The following SH3BGRL variants were observed in gnomAD, a reference collection of about 807,000 sequenced individuals.
SH3BGRL encodes the protein adapter SH3BGRL.
A neutral mutation model predicts 9.8 loss-of-function variants in SH3BGRL; 7 were observed. The observed-to-expected ratio is 0.72, with a 90% CI of 0.41 to 1.35. The LOEUF (loss-of-function observed/expected upper bound fraction) is 1.35. Ranked by LOEUF, SH3BGRL falls within the 40% of genes most tolerant of loss-of-function variation. The pLI, the probability that SH3BGRL is intolerant of heterozygous loss-of-function variation, is 0.01. For missense variants in SH3BGRL, 73 were observed against 84.4 expected (o/e 0.86, Z 0.53); for synonymous variants, 36 against 29.1 (o/e 1.24, Z -0.76).
At chrX:81,238,516 A>G (rs765559411) in intron 1 of SH3BGRL, among the ~76,000 whole-genome samples, 1 of 111,688 alleles carries the variant, frequency 9.0e-6, no homozygotes, top group East Asian at 2.8e-4. Flanking sequence ...TTTTGATTCT[A>G]TTATCGGCCT....
intron 1 of SH3BGRL, among the ~76,000 whole-genome samples, chrX:81,213,092 CTA>C (rs1412409354): frequency 2.7e-5 from 3 of 111,865 alleles, no homozygotes; most frequent in African/African-American, 9.8e-5. Context: ...TCAAAAGGAG[CTA>C]TTAGCACAAA....
intron 1 of SH3BGRL, among the ~76,000 whole-genome samples, chrX:81,217,263 C>T (rs2075584116): frequency 9.1e-6 from 1 of 110,309 alleles, no homozygotes; most frequent in African/African-American, 3.3e-5. Context: ...GTTTCAATTT[C>T]ATTTAGTTCT....
chrX:81,248,204 T>C (rs1240275412), intron 1 of SH3BGRL, among the ~76,000 whole-genome samples: 1 of 111,520 alleles, frequency 9.0e-6, no homozygotes. Flanking sequence ...CTTTTTGTCT[T>C]TGTTAATCTA....
intron 3 of SH3BGRL, among the ~76,000 whole-genome samples, chrX:81,290,385 A>G (rs917213871): frequency 1.2e-4 from 14 of 112,167 alleles, no homozygotes; most frequent in Non-Finnish European, 1.7e-4. Flanking sequence ...ATAATAGAGT[A>G]GTATTCAGCC....
At chrX:81,246,823 T>C (rs2075691217) in intron 1 of SH3BGRL, among the ~76,000 whole-genome samples, 1 of 112,010 alleles carries the variant, frequency 8.9e-6, no homozygotes. Context: ...AATTTTAGCA[T>C]AGTTTTTTTC....
intron 3 of SH3BGRL, among the ~76,000 whole-genome samples, chrX:81,283,341 C>G (rs2075824040): frequency 1.8e-5 from 2 of 111,296 alleles, no homozygotes; most frequent in Non-Finnish European, 3.8e-5. Flanking sequence ...ACCCTAATAC[C>G]AAAATCAGGA....
chrX:81,229,864 T>A (rs979270010), intron 1 of SH3BGRL, among the ~76,000 whole-genome samples: 10 of 111,930 alleles, frequency 8.9e-5, no homozygotes, highest in African/African-American at 3.3e-4. Flanking sequence ...CAGAAATACT[T>A]GTCCTCACCT....
chrX:81,215,069 A>C (rs2075577311), intron 1 of SH3BGRL, among the ~76,000 whole-genome samples: 1 of 110,941 alleles, frequency 9.0e-6, no homozygotes, highest in African/African-American at 3.3e-5. Flanking sequence ...GGTGAATACT[A>C]TTCAAGAAAG....
At chrX:81,236,179 A>T (rs1207192902) in intron 1 of SH3BGRL, among the ~76,000 whole-genome samples, 2 of 111,883 alleles carry the variant, frequency 1.8e-5, no homozygotes, top group Non-Finnish European at 3.8e-5. Context: ...ACCCCAGTGC[A>T]GATCGTGTCC....
At chrX:81,279,561 C>A (rs1197718299) in intron 3 of SH3BGRL, among the ~76,000 whole-genome samples, 1 of 111,371 alleles carries the variant, frequency 9.0e-6, no homozygotes, top group Admixed American at 9.5e-5. Flanking sequence ...CGAACAGATA[C>A]CCTCACTGGA....
intron 1 of SH3BGRL, among the ~76,000 whole-genome samples, chrX:81,211,734 C>T (rs1431746588): frequency 9.0e-6 from 1 of 111,485 alleles, no homozygotes; most frequent in Non-Finnish European, 1.9e-5. Flanking sequence ...ATGTTTCTCC[C>T]GTGCTGGACG....
At chrX:81,252,146 C>T (rs765902382) in intron 1 of SH3BGRL, among the ~76,000 whole-genome samples, 1 of 111,895 alleles carries the variant, frequency 8.9e-6, no homozygotes, top group Admixed American at 9.5e-5. Flanking sequence ...TAAATGTTTA[C>T]AGAAACTGCA....
intron 1 of SH3BGRL, among the ~76,000 whole-genome samples, chrX:81,231,397 A>T (rs933442337): frequency 3.6e-5 from 4 of 112,132 alleles, no homozygotes; most frequent in Non-Finnish European, 3.8e-5. Flanking sequence ...ATTTTATTTT[A>T]TTTATTTTCT....
At chrX:81,256,870 A>G (rs1202448928) in intron 1 of SH3BGRL, among the ~76,000 whole-genome samples, 1 of 111,529 alleles carries the variant, frequency 9.0e-6, no homozygotes, top group East Asian at 2.8e-4. Flanking sequence ...TACCTTCACT[A>G]TTATACTGCC....
intron 1 of SH3BGRL, among the ~76,000 whole-genome samples, chrX:81,213,099 C>A (rs1046873587): frequency 9.0e-6 from 1 of 111,696 alleles, no homozygotes; most frequent in Admixed American, 9.5e-5. Flanking sequence ...GAGCTATTAG[C>A]ACAAAAAATG....
At chrX:81,244,046 C>A (rs1247747492) in intron 1 of SH3BGRL, among the ~76,000 whole-genome samples, 1 of 111,946 alleles carries the variant, frequency 8.9e-6, no homozygotes, top group Non-Finnish European at 1.9e-5. Context: ...GATGTTTTTA[C>A]AGCACTTTAT....
At chrX:81,219,354 C>T (rs2147671648) in intron 1 of SH3BGRL, among the ~76,000 whole-genome samples, 1 of 110,481 alleles carries the variant, frequency 9.1e-6, no homozygotes, top group Non-Finnish European at 1.9e-5. Context: ...AAGTTAATCC[C>T]TGTGTAGTTT....
chrX:81,277,769 G>A (rs2147712452), intron 2 of SH3BGRL, among the ~76,000 whole-genome samples: 1 of 111,936 alleles, frequency 8.9e-6, no homozygotes, highest in African/African-American at 3.2e-5. Flanking sequence ...TAAATTCCAT[G>A]TGATGTGGAA....
At chrX:81,290,268 T>C (rs1422063260) in intron 3 of SH3BGRL, among the ~76,000 whole-genome samples, 1 of 112,215 alleles carries the variant, frequency 8.9e-6, no homozygotes, top group Non-Finnish European at 1.9e-5. Flanking sequence ...CAAAGAGATA[T>C]CTGCAATCTC....
Sources: allele counts gnomAD v4.1 joint callset (sites outside exome capture counted in the v4.1 genomes callset), GRCh38; gene constraint gnomAD v4.1.1; transcripts MANE v1.5; gene names NCBI Gene and HGNC (gene_info 2026-07-23, HGNC 2026-07-21).